Variants in RECQL observed in about 807,000 individuals in gnomAD.
The protein encoded by RECQL is RecQ like helicase.
In RECQL, 73 loss-of-function variants were observed where a neutral mutation model predicts 75.8. The ratio of observed to expected loss-of-function variants is 0.96; its 90% confidence interval spans 0.80 to 1.17. The LOEUF is 1.17. RECQL is among the 50% of genes most tolerant of loss of function. RECQL has a pLI of 0.00. For missense variants in RECQL, 699 were observed against 772.1 expected (o/e 0.91, Z 1.12); for synonymous variants, 248 against 254.4 (o/e 0.97, Z 0.24).
At chr12:21,471,676 A>T (rs761012528) in intron 12 of RECQL, 29 bp from the exon 13 acceptor site, 2 of 1,572,088 alleles carry the variant, frequency 1.3e-6, no homozygotes, top group South Asian at 2.2e-5. Context: ...GGTAGCAGGT[A>T]ATTAGGATTT....
chr12:21,483,674 T>C, intron 5 of RECQL, 100 bp from the exon 6 acceptor site: 2 of 845,122 alleles, frequency 2.4e-6, no homozygotes, highest in South Asian at 1.7e-5. Context: ...AAAGCAATAA[T>C]AGCCTTTGGC....
intron 3 of RECQL, among the ~76,000 whole-genome samples, chr12:21,490,617 A>G (rs1325005509): frequency 6.6e-6 from 1 of 152,166 alleles, no homozygotes; most frequent in Non-Finnish European, 1.5e-5. Context: ...AGGCCTAAGC[A>G]GGAGGATTAC....
At chr12:21,484,633 T>TA (rs965361025) in intron 5 of RECQL, among the ~76,000 whole-genome samples, 7 of 152,102 alleles carry the variant, frequency 4.6e-5, no homozygotes, top group Non-Finnish European at 8.8e-5. Context: ...TGGATTATCT[T>TA]ACTGCAAAAG....
At chr12:21,478,870 T>C (rs946876545) in intron 6 of RECQL, among the ~76,000 whole-genome samples, 6 of 152,212 alleles carry the variant, frequency 3.9e-5, no homozygotes, top group African/African-American at 1.4e-4. Context: ...CAGCCAGTTC[T>C]AGGTCATCCT....
chr12:21,473,568 T>C lies in RECQL; in HGVS notation c.1430A>G (p.Asn477Ser), dbSNP rs1943025651. The C allele has an allele frequency of 1.2e-6, 2 of 1,612,504 alleles. No homozygotes were observed. Among genetic ancestry groups the C allele is most frequent in the Admixed American group, 3.3e-5 (2 of 59,864 alleles). ...NSEACNKMCD[N>S]CCKDSAFERK... ...AAACTCACCACTGTCTTTACAGCAG[T>C]TATCGCACATTTTGTTACATGCTTC... is the stretch of plus-strand genomic sequence containing the variant. The change falls in exon 12 of 15, where the codon AAC (asparagine) becomes AGC (serine). Residue 477 changes from asparagine (N) to serine (S), a missense_variant. Coordinates refer to ENST00000444129, the MANE Select transcript of RECQL (RefSeq NM_002907.4).
chr12:21,488,279 TAAC>T (rs917520419), intron 4 of RECQL, among the ~76,000 whole-genome samples: 45 of 152,350 alleles, frequency 3.0e-4, no homozygotes, highest in African/African-American at 1.1e-3. Flanking sequence ...AGCCTTCTAA[TAAC>T]ATCATACAAT....
At position 21,468,910 on chromosome 12, in the gene RECQL, T is replaced by C. The variant is rs1467939676; in HGVS notation, c.*1284A>G. The C allele has an allele frequency of 8.3e-6, 6 of 722,680 alleles. No individual in the cohort carries two copies. Among genetic ancestry groups the C allele is most frequent in the Admixed American group, 3.1e-5 (1 of 31,960 alleles). 44.8% of individuals were successfully genotyped at this position (722,680 alleles called of 1,614,324 possible). A position where few individuals can be genotyped will look rare whatever the true frequency, so the allele number is the denominator to read the frequency against. The stretch of plus-strand genomic sequence containing the variant: ...TGGAAAAATATAAAAACATAAATTC[T>C]AAGTTTGAAATCAGTTCAAAGTTTA... On this transcript the variant is annotated 3_prime_UTR_variant, in exon 15 of 15. Transcript: ENST00000444129.
At position 21,499,556 on chromosome 12, in the gene RECQL, T is replaced by C. The variant is rs149537312; in HGVS notation, c.15A>G (p.Ser5=). Residue 5 remains serine (S), a splice_region_variant and synonymous_variant, in exon 2 of 15, where the codon TCA becomes TCG. Transcript: ENST00000444129. MASV[S]ALTEELDSIT... ...GAAAATGTAATCATTGCTACTAACC[T>C]GAAACGGACGCCATTCTTTTTCTTT... The C allele has an allele frequency of 1.1e-5, 17 of 1,593,910 alleles. No individual in the cohort carries two copies. The highest frequency in any genetic ancestry group is 1.4e-5 in the Non-Finnish European group (16 of 1,171,178).
intron 2 of RECQL, among the ~76,000 whole-genome samples, chr12:21,493,566 G>T (rs1943450982): frequency 6.6e-6 from 1 of 152,200 alleles, no homozygotes; most frequent in Admixed American, 6.5e-5. Flanking sequence ...AATACAAACT[G>T]AATTCCCAAC....
chr12:21,493,983 TAAAAG>T (rs1943459006), intron 2 of RECQL, among the ~76,000 whole-genome samples: 2 of 152,364 alleles, frequency 1.3e-5, no homozygotes, highest in South Asian at 2.1e-4. Flanking sequence ...GGGTAATTTA[TAAAAG>T]AAAAGAAGTT....
At chr12:21,494,435 T>C (rs1943468036) in intron 2 of RECQL, among the ~76,000 whole-genome samples, 1 of 152,252 alleles carries the variant, frequency 6.6e-6, no homozygotes, top group Non-Finnish European at 1.5e-5. Flanking sequence ...CTAAGTTTAT[T>C]GATACGGGCT....
At chr12:21,486,393 T>C in intron 5 of RECQL, 86 bp downstream of exon 5, 1 of 1,428,760 alleles carries the variant, frequency 7.0e-7, no homozygotes. Flanking sequence ...TAACAGTTTA[T>C]AATTTTATAA....
In RECQL at chr12:21,491,597, T is replaced by C. The variant is rs773201145; in HGVS notation, c.136A>G (p.Ile46Val). Residue 46 changes from isoleucine to valine, a missense_variant, in exon 3 of 15, where the codon ATA (isoleucine) becomes GTA (valine). By Grantham distance (29) the Ile-to-Val change is conservative. Transcript: ENST00000444129. Reference sequence around the variant, plus strand: ...TCAGAATCCTCTAAACACTGCTTTATTTTCTTTGTCAGGACTTTTTTTTTC... The same window carrying C: ...TCAGAATCCTCTAAACACTGCTTTACTTTCTTTGTCAGGACTTTTTTTTTC... ...IQKKKVLTKKIKQCLEDSDAG... is the reference protein window; with the variant it reads ...IQKKKVLTKKVKQCLEDSDAG... 4 of 1,613,928 alleles carry C rather than the reference T, an allele frequency of 2.5e-6. No individual in the cohort carries two copies. In the South Asian group the frequency reaches 3.3e-5, roughly 13 times the overall value.
intron 6 of RECQL, among the ~76,000 whole-genome samples, chr12:21,478,582 C>T (rs937794473): frequency 6.6e-6 from 1 of 152,146 alleles, no homozygotes; most frequent in African/African-American, 2.4e-5. Flanking sequence ...GCAGAGGAAA[C>T]AGCATATACA....
At chr12:21,471,379 A>T in intron 13 of RECQL, 49 bp downstream of exon 13, 1 of 1,539,550 alleles carries the variant, frequency 6.5e-7, no homozygotes, top group Middle Eastern at 1.7e-4. Flanking sequence ...ATTTTTAAAA[A>T]AAAACCATAA....
At position 21,475,782 on chromosome 12, in the gene RECQL, G is replaced by A. The variant is rs755679996; in HGVS notation, c.992C>T (p.Thr331Met). The change falls in exon 9 of 15, where the codon ACG (threonine) becomes ATG (methionine). Residue 331 changes from threonine (T) to methionine (M), a missense_variant. By Grantham distance (81) the Thr-to-Met change is moderately conservative. This residue lies in a region of RECQL where 669 missense variants were observed against 713.5 expected (regional missense o/e 0.94). Coordinates refer to ENST00000444129, the MANE Select transcript of RECQL (RefSeq NM_002907.4). ...AATTCCCAGATTCTGCAAACTAACC[G>A]TAACTTGTTCAGAGTCTTTCTGAGA... ...CFSQKDSEQVTVSLQNLGIHA... is the reference protein window; with the variant it reads ...CFSQKDSEQVMVSLQNLGIHA... 16 of 1,612,862 alleles carry A rather than the reference G, an allele frequency of 9.9e-6. No individual in the cohort carries two copies. The highest frequency in any genetic ancestry group is 1.6e-4 in the Middle Eastern group (1 of 6,082).
chr12:21,478,431 G>C (rs1023597751), intron 6 of RECQL, among the ~76,000 whole-genome samples: 3 of 152,166 alleles, frequency 2.0e-5, no homozygotes, highest in African/African-American at 7.2e-5. Context: ...GGTAGAAATT[G>C]CTTACATGCT....
At chr12:21,497,602 G>C (rs928729828) in intron 2 of RECQL, among the ~76,000 whole-genome samples, 1 of 152,244 alleles carries the variant, frequency 6.6e-6, no homozygotes, top group African/African-American at 2.4e-5. Flanking sequence ...CTGAGGAAGA[G>C]ATATATGTAT....
intron 5 of RECQL, among the ~76,000 whole-genome samples, chr12:21,485,360 AAAAG>A (rs1943273035): frequency 1.3e-5 from 2 of 151,674 alleles, no homozygotes; most frequent in Admixed American, 6.6e-5. Context: ...GAAAGAAAAG[AAAAG>A]AAAGAGAGAA....
Sources: gnomAD v4.1 joint callset for allele counts (sites outside exome capture counted in the v4.1 genomes callset) on GRCh38, gnomAD v4.1.1 for gene constraint, gnomAD v4.1.1 regional missense constraint, MANE v1.5 for transcripts, NCBI Gene and HGNC (gene_info 2026-07-23, HGNC 2026-07-21) for gene names.